SHLD1: variants seen among roughly 807,000 people sequenced by gnomAD.
SHLD1 encodes shieldin complex subunit 1.
A neutral mutation model predicts 5.5 loss-of-function variants in SHLD1; 3 were observed. That is an observed-to-expected ratio of 0.54 (90% CI 0.25 to 1.40). The LOEUF (loss-of-function observed/expected upper bound fraction) is 1.40. SHLD1 is among the 40% of genes most tolerant of loss of function. The probability of loss-of-function intolerance (pLI) is 0.15; values close to 1 mark genes in which losing one functional copy is unlikely to be tolerated. For missense variants in SHLD1, 210 were observed against 244.4 expected (o/e 0.86, Z 0.94); for synonymous variants, 92 against 94.3 (o/e 0.98, Z 0.14).
chr20:5,759,712 T>G (rs1984349449), intron 1 of SHLD1, among the ~76,000 whole-genome samples: 2 of 152,066 alleles, frequency 1.3e-5, no homozygotes, highest in African/African-American at 4.8e-5. Flanking sequence ...TTTTTTTGTT[T>G]GTTTGTTTTG....
intron 2 of SHLD1, among the ~76,000 whole-genome samples, chr20:5,803,831 C>T (rs796327746): frequency 2.7e-5 from 4 of 150,720 alleles, no homozygotes; most frequent in African/African-American, 9.8e-5. Context: ...GAGATCGCGC[C>T]ACTGCACTCC....
Position 5,763,253 on chromosome 20 carries a change from G to T in SHLD1, c.-4-9609G>T, listed in dbSNP as rs187731516. 9.0e-4 allele frequency among the ~76,000 whole-genome samples: 119 copies of T among 132,148 alleles called. 4 individuals are homozygous for T. The East Asian group carries it at 0.02, about 22-fold the overall frequency. The allele number at this position is 132,148 out of a possible 152,430, so 86.7% of individuals were successfully genotyped here. A position where few individuals can be genotyped will look rare whatever the true frequency, so the allele number is the denominator to read the frequency against. ...CCTGGGAGGCGGAGGTTGCGCCATT[G>T]CACTCCAGCCTGGGCAACAAGAGCA... On this transcript the variant is annotated intron_variant, in intron 1 of 2. Coordinates refer to ENST00000303142, the MANE Select transcript of SHLD1 (RefSeq NM_152504.4).
chr20:5,768,480 C>A (rs991051465), intron 1 of SHLD1, among the ~76,000 whole-genome samples: 2 of 152,226 alleles, frequency 1.3e-5, no homozygotes, highest in African/African-American at 4.8e-5. Context: ...GTTTGGGTCA[C>A]TCCAAACTAG....
chr20:5,810,658 C>G (rs2087446415), intron 2 of SHLD1, among the ~76,000 whole-genome samples: 1 of 151,126 alleles, frequency 6.6e-6, no homozygotes, highest in Non-Finnish European at 1.5e-5. Context: ...CCTTGGGAGG[C>G]TGAGGTAAGC....
At chr20:5,857,098 C>G (rs893348354) in intron 2 of SHLD1, among the ~76,000 whole-genome samples, 6 of 152,108 alleles carry the variant, frequency 3.9e-5, no homozygotes, top group African/African-American at 1.4e-4. Context: ...TCTCTTGCCT[C>G]CCGAGTAGCT....
At chr20:5,860,992 A>T (rs942295958) in intron 2 of SHLD1, among the ~76,000 whole-genome samples, 4 of 151,498 alleles carry the variant, frequency 2.6e-5, no homozygotes, top group Non-Finnish European at 5.9e-5. Flanking sequence ...TTTTTTACAA[A>T]GCGTGTTCTC....
chr20:5,781,864 A>G (rs893112656), intron 2 of SHLD1, among the ~76,000 whole-genome samples: 5 of 152,194 alleles, frequency 3.3e-5, no homozygotes, highest in Admixed American at 3.3e-4. Flanking sequence ...TGCTGCCTGG[A>G]ATATTTGTTC....
chr20:5,788,262 G>A (rs996193829), intron 2 of SHLD1, among the ~76,000 whole-genome samples: 5 of 151,710 alleles, frequency 3.3e-5, no homozygotes, highest in African/African-American at 1.2e-4. Flanking sequence ...AAAAAACAGA[G>A]GTGTACCCCC....
chr20:5,760,494 A>G (rs1454961839), intron 1 of SHLD1, among the ~76,000 whole-genome samples: 1 of 152,050 alleles, frequency 6.6e-6, no homozygotes, highest in Non-Finnish European at 1.5e-5. Flanking sequence ...GGAGTTCATG[A>G]CCAGCCTGAC....
intron 1 of SHLD1, among the ~76,000 whole-genome samples, chr20:5,751,908 G>A (rs147027198): frequency 4.9e-4 from 75 of 152,318 alleles, no homozygotes; most frequent in African/African-American, 1.6e-3. Flanking sequence ...TCCAAGGGTG[G>A]TCTTAGAAGT....
At chr20:5,832,882 C>A (rs2087746453) in intron 2 of SHLD1, among the ~76,000 whole-genome samples, 1 of 151,930 alleles carries the variant, frequency 6.6e-6, no homozygotes, top group Non-Finnish European at 1.5e-5. Context: ...ATATTTTAGA[C>A]CTTAAAATCC....
At position 5,783,304 on chromosome 20, in the gene SHLD1, G is replaced by A. The variant is rs569317553; in HGVS notation, c.178+10261G>A. ...CAGTGGCAAGGTCTCGGCTCACTGC[G>A]ACCTCCGCCTCCCAGTTTCAAGGAT... On this transcript the variant is annotated intron_variant, in intron 2 of 2. Coordinates refer to ENST00000303142, the MANE Select transcript of SHLD1 (RefSeq NM_152504.4). Among the ~76,000 whole-genome samples, 15 of 152,098 alleles carry A rather than the reference G, an allele frequency of 9.9e-5. 1 individual carries two copies. The East Asian group carries it at 1.5e-3, about 16-fold the overall frequency.
chr20:5,765,769 C>CT (rs756234026), intron 1 of SHLD1, among the ~76,000 whole-genome samples: 13,103 of 62,026 alleles, frequency 0.21, 3,926 homozygotes, highest in East Asian at 0.62. Context: ...CGCACAAATC[C>CT]TTTTTTTTTT....
intron 2 of SHLD1, among the ~76,000 whole-genome samples, chr20:5,833,691 GAC>G (rs1206782357): frequency 1.1e-4 from 16 of 151,960 alleles, no homozygotes; most frequent in African/African-American, 3.6e-4. Context: ...GAGAGAGAGA[GAC>G]AGAGACAGGG....
At chr20:5,781,767 C>T in intron 2 of SHLD1, among the ~76,000 whole-genome samples, 1 of 152,232 alleles carries the variant, frequency 6.6e-6, no homozygotes, top group East Asian at 1.9e-4. Context: ...GTGTGAGCTA[C>T]CACACCCGGC....
At chr20:5,792,430 GT>G (rs2087153879) in intron 2 of SHLD1, among the ~76,000 whole-genome samples, 1 of 151,694 alleles carries the variant, frequency 6.6e-6, no homozygotes, top group Admixed American at 6.6e-5. Context: ...GTTTGTTTTT[GT>G]TTTTTTGAGA....
chr20:5,810,545 A>T (rs2087444308), intron 2 of SHLD1, among the ~76,000 whole-genome samples: 1 of 152,066 alleles, frequency 6.6e-6, no homozygotes, highest in African/African-American at 2.4e-5. Context: ...ATAAGGATGA[A>T]CAGTAGGTAC....
chr20:5,814,938 C>G (rs1487257330), intron 2 of SHLD1, among the ~76,000 whole-genome samples: 1 of 152,082 alleles, frequency 6.6e-6, no homozygotes, highest in African/African-American at 2.4e-5. Flanking sequence ...CAGTCATGAA[C>G]CACTGCGCCC....
intron 2 of SHLD1, among the ~76,000 whole-genome samples, chr20:5,835,418 C>G (rs1407035571): frequency 6.6e-6 from 1 of 152,202 alleles, no homozygotes; most frequent in Non-Finnish European, 1.5e-5. Flanking sequence ...CATAAGAAAA[C>G]AAACACAGAT....
Sources: allele counts gnomAD v4.1 joint callset (sites outside exome capture counted in the v4.1 genomes callset), GRCh38; gene constraint gnomAD v4.1.1; transcripts MANE v1.5; gene names NCBI Gene and HGNC (gene_info 2026-07-23, HGNC 2026-07-21).